Variants in NEDD9 observed in about 807,000 individuals in gnomAD.
NEDD9 encodes neural precursor cell expressed, developmentally down-regulated 9.
Under a neutral mutation model 76.6 loss-of-function variants are expected in NEDD9, and 26 were observed. The ratio of observed to expected loss-of-function variants is 0.34; its 90% CI spans 0.25 to 0.47. The LOEUF is 0.47. NEDD9 is among the 20% of genes least tolerant of loss of function. NEDD9 has a pLI of 1.00. For synonymous variants in NEDD9, 392 were observed against 414.2 expected (o/e 0.95, Z 0.65); for missense variants, 937 against 1,058.5 (o/e 0.89, Z 1.59).
intron 1 of NEDD9, among the ~76,000 whole-genome samples, chr6:11,226,681 A>T (rs892167468): frequency 2.0e-5 from 3 of 152,170 alleles, no homozygotes; most frequent in Non-Finnish European, 1.5e-5. Flanking sequence ...TATTTCTGTT[A>T]TGGGTAAACA....
In NEDD9 at chr6:11,348,343, TG is replaced by T. The variant is rs1334239397; in HGVS notation, c.-213-13783del. On this transcript the variant is annotated intron_variant, in intron 1 of 3. Transcript: ENST00000397378. ...ATAGAAAGAATCAACATCATTAAAA[TG>T]GACATACTGCCCAAAGCAATTTACA... Among the ~76,000 whole-genome samples, 8 of 152,354 alleles carry T rather than the reference TG, an allele frequency of 5.3e-5. No homozygotes were observed. In the East Asian group the frequency reaches 1.5e-3, roughly 29 times the overall value.
intron 1 of NEDD9, among the ~76,000 whole-genome samples, chr6:11,360,059 G>T (rs749522858): frequency 3.9e-5 from 6 of 152,218 alleles, no homozygotes; most frequent in Non-Finnish European, 7.3e-5. Flanking sequence ...AATTCTGCAG[G>T]CTTCCATCAC....
intron 3 of NEDD9, among the ~76,000 whole-genome samples, chr6:11,251,101 ATGT>A (rs1423308006): frequency 1.3e-5 from 2 of 152,206 alleles, no homozygotes; most frequent in Non-Finnish European, 2.9e-5. Flanking sequence ...GAATACAAAA[ATGT>A]TGTTGTATAA....
chr6:11,250,830 C>T (rs980877973), intron 3 of NEDD9, among the ~76,000 whole-genome samples: 2 of 152,198 alleles, frequency 1.3e-5, no homozygotes, highest in African/African-American at 2.4e-5. Flanking sequence ...CCAGGCTGAA[C>T]CACTGATTAA....
At chr6:11,333,015 T>C (rs1398985202) in intron 2 of NEDD9, among the ~76,000 whole-genome samples, 1 of 108,822 alleles carries the variant, frequency 9.2e-6, no homozygotes, top group Non-Finnish European at 1.7e-5. Context: ...TAATGGTCCA[T>C]ACACTTCAGA....
rs1366964153 is a variant in NEDD9, at chr6:11,252,011, AGCATATCTGGGTGCTTTC to A, written c.13-38302_13-38285del. On this transcript the variant is annotated intron_variant, in intron 3 of 3. Coordinates refer to the NEDD9 transcript ENST00000397378. This position sits in a 1 kb window ranked among gnomAD's most constrained non-coding sequence, Gnocchi z 4.3. ...TGCTTGCACTTCCCATCAATGCAAA[AGCATATCTGGGTGCTTTC>A]GCTCCACCTCAGGGTTGAAGGCTGT... is the stretch of plus-strand genomic sequence containing the variant. Among the ~76,000 whole-genome samples the A allele has an allele frequency of 6.6e-6, 1 of 152,018 alleles. No individual in the cohort carries two copies. The highest frequency in any genetic ancestry group is 2.4e-5 in the African/African-American group (1 of 41,360).
At chr6:11,355,900 T>C (rs1762561375) in intron 1 of NEDD9, among the ~76,000 whole-genome samples, 2 of 152,068 alleles carry the variant, frequency 1.3e-5, no homozygotes, top group South Asian at 4.1e-4. Flanking sequence ...TTTTGTATTT[T>C]TTAGTAGAGA....
intron 3 of NEDD9, among the ~76,000 whole-genome samples, chr6:11,289,644 G>A (rs1760724354): frequency 6.6e-6 from 1 of 152,078 alleles, no homozygotes; most frequent in African/African-American, 2.4e-5. Context: ...GTAGAGACGA[G>A]GTTTCACCAT....
At chr6:11,262,276 C>G (rs1396128827) in intron 3 of NEDD9, among the ~76,000 whole-genome samples, 3 of 152,218 alleles carry the variant, frequency 2.0e-5, no homozygotes, top group Non-Finnish European at 2.9e-5. Context: ...CACAAAGAGC[C>G]TTTGCTTTAA....
At chr6:11,257,005 C>A (rs1179659551) in intron 3 of NEDD9, among the ~76,000 whole-genome samples, 1 of 152,160 alleles carries the variant, frequency 6.6e-6, no homozygotes, top group Non-Finnish European at 1.5e-5. Context: ...TGCCAGAAAA[C>A]AGGGTAACAT....
rs955694325 is a variant in NEDD9, at chr6:11,237,773, T to C, written c.13-24046A>G. On this transcript the variant is annotated intron_variant, in intron 3 of 3. Transcript: ENST00000397378. This position sits in a 1 kb window ranked among gnomAD's most constrained non-coding sequence, Gnocchi z 4.9. Reference sequence around the variant, plus strand: ...GTATTATTTGGTTGTCTCTAGAAGTTTGCCGACCCACACTCTAGATTAGTG... The same window carrying C: ...GTATTATTTGGTTGTCTCTAGAAGTCTGCCGACCCACACTCTAGATTAGTG... 6.6e-6 allele frequency among the ~76,000 whole-genome samples: 1 copy of C among 152,120 alleles called. No individual in the cohort carries two copies. The highest frequency in any genetic ancestry group is 1.5e-5 in the Non-Finnish European group (1 of 68,014).
intron 1 of NEDD9, among the ~76,000 whole-genome samples, chr6:11,226,931 C>T (rs6457129): frequency 0.85 from 129,270 of 152,238 alleles, 55,123 homozygotes; most frequent in African/African-American, 0.94. Context: ...TAGCATAAAA[C>T]TATACTGTTA....
At chr6:11,286,194 T>G (rs903878506) in intron 3 of NEDD9, among the ~76,000 whole-genome samples, 2 of 152,176 alleles carry the variant, frequency 1.3e-5, no homozygotes, top group African/African-American at 4.8e-5. Flanking sequence ...GACCAGACAT[T>G]TTATTAATGA....
rs755080171 is a variant in NEDD9 at position 11,191,146 on chromosome 6, A to G, written c.723T>C (p.Tyr241=). 6.2e-7 allele frequency: 1 copy of G among 1,613,840 alleles called. No individual in the cohort carries two copies. Among genetic ancestry groups the G allele is most frequent in the South Asian group, 1.1e-5 (1 of 91,066 alleles). Residue 241 remains tyrosine, a synonymous_variant, in exon 5 of 7, where the codon TAT becomes TAC. Transcript: ENST00000379446. ...RDEAGLREKD[Y]DFPPPMRQAG... ...CTTGTCTCATGGGAGGGGGGAAGTC[A>G]TAGTCTTTTTCCCTAAGCCCTGCTT...
intron 3 of NEDD9, among the ~76,000 whole-genome samples, chr6:11,245,710 T>C (rs561867933): frequency 1.2e-4 from 18 of 152,262 alleles, no homozygotes; most frequent in Admixed American, 3.3e-4. Context: ...CTAAATTTAA[T>C]GCTTTAGAGC....
chr6:11,212,031 C>T (rs1186031503), intron 2 of NEDD9, among the ~76,000 whole-genome samples: 1 of 152,074 alleles, frequency 6.6e-6, no homozygotes, highest in Non-Finnish European at 1.5e-5. Flanking sequence ...TTAAAGGAAT[C>T]CTTTGTTTTT....
intron 3 of NEDD9, among the ~76,000 whole-genome samples, chr6:11,304,489 A>C (rs1761128766): frequency 6.6e-6 from 1 of 152,240 alleles, no homozygotes; most frequent in Non-Finnish European, 1.5e-5. Context: ...TCATGCTACT[A>C]TAAGGACACA....
rs77940634 is a variant in NEDD9 at position 11,310,596 on chromosome 6, C to T, written c.-152-4441G>A. 3.2e-3 allele frequency among the ~76,000 whole-genome samples: 484 copies of T among 152,298 alleles called. 9 individuals carry two copies. In the East Asian group the frequency reaches 0.052, roughly 16 times the overall value. On this transcript the variant is annotated intron_variant, in intron 2 of 3. Coordinates refer to the NEDD9 transcript ENST00000397378. ...TTCTGTAGTTCCCTGGCCAGCTCAC[C>T]CTCCTCTTCTCCTATTTTTCTAATT... is the stretch of plus-strand genomic sequence containing the variant.
chr6:11,186,588 T>G (rs1464454244), intron 6 of NEDD9, among the ~76,000 whole-genome samples: 1 of 152,192 alleles, frequency 6.6e-6, no homozygotes, highest in Non-Finnish European at 1.5e-5. Context: ...CTTCCCCAGC[T>G]TCTCTGAGAG....
Sources: gnomAD v4.1 joint callset for allele counts (sites outside exome capture counted in the v4.1 genomes callset) on GRCh38, gnomAD v4.1.1 for gene constraint, Gnocchi (gnomAD v3.1) non-coding constraint, MANE v1.5 for transcripts, NCBI Gene and HGNC (gene_info 2026-07-23, HGNC 2026-07-21) for gene names.